Variants in CDH23 observed in about 807,000 individuals in gnomAD.
CDH23 encodes the protein cadherin-23.
Under a neutral mutation model 317.1 loss-of-function variants are expected in CDH23, and 189 were observed. The ratio of observed to expected loss-of-function variants is 0.60; its 90% CI spans 0.53 to 0.67. CDH23 has a LOEUF of 0.67. CDH23 is among the 30% of genes least tolerant of loss of function. The probability of loss-of-function intolerance (pLI) is 0.00; values close to 1 mark genes in which losing one functional copy is unlikely to be tolerated. For synonymous variants in CDH23, 1,839 were observed against 1,876.8 expected (o/e 0.98, Z 0.52); for missense variants, 4,401 against 4,592.4 (o/e 0.96, Z 1.20).
chr10:71,759,280 T>G (rs1272218453), intron 38 of CDH23, among the ~76,000 whole-genome samples: 1 of 151,626 alleles, frequency 6.6e-6, no homozygotes, highest in Non-Finnish European at 1.5e-5. Context: ...TCAAGCGATC[T>G]GCCTGCCTTG....
chr10:71,628,633 G>A (rs954469463), intron 11 of CDH23, among the ~76,000 whole-genome samples: 1 of 152,122 alleles, frequency 6.6e-6, no homozygotes, highest in Non-Finnish European at 1.5e-5. Context: ...GAGTAGTTGG[G>A]ATTACAGGCA....
intron 1 of CDH23, among the ~76,000 whole-genome samples, chr10:71,427,233 G>GAAAGAAAGAAAGAAAGAAAGAAAA: frequency 1.4e-5 from 1 of 72,400 alleles, no homozygotes; most frequent in South Asian, 4.5e-4. Flanking sequence ...AAGAAAGAAA[G>GAAAGAAAGAAAGAAAGAAAGAAAA]AAAGAAAGAA....
intron 9 of CDH23, among the ~76,000 whole-genome samples, chr10:71,609,497 A>C (rs1252346860): frequency 6.6e-6 from 1 of 152,070 alleles, no homozygotes; most frequent in African/African-American, 2.4e-5. Context: ...GACTCTGGGG[A>C]CATCTGAAGA....
intron 62 of CDH23, 82 bp from the exon 63 acceptor site, chr10:71,811,233 G>A: frequency 1.9e-6 from 3 of 1,601,724 alleles, no homozygotes; most frequent in Non-Finnish European, 2.6e-6. Flanking sequence ...GAACTTTGGA[G>A]GCTTGAGGCA....
At chr10:71,564,884 A>T (rs1857313658) in intron 6 of CDH23, among the ~76,000 whole-genome samples, 1 of 152,376 alleles carries the variant, frequency 6.6e-6, no homozygotes, top group East Asian at 1.9e-4. Context: ...ATAATGTTGA[A>T]TTAAAAAGCA....
At chr10:71,633,421 C>T (rs1222732765) in intron 11 of CDH23, among the ~76,000 whole-genome samples, 1 of 152,108 alleles carries the variant, frequency 6.6e-6, no homozygotes, top group African/African-American at 2.4e-5. Flanking sequence ...CATACACGCC[C>T]CACGCCCCAA....
chr10:71,718,786 G>T (rs1410775917), intron 28 of CDH23, among the ~76,000 whole-genome samples: 1 of 152,172 alleles, frequency 6.6e-6, no homozygotes, highest in Non-Finnish European at 1.5e-5. Flanking sequence ...AATAAGTGAG[G>T]CCAGGCGTGT....
chr10:71,508,103 A>T (rs1454604771), intron 3 of CDH23: 1 of 152,196 alleles, frequency 6.6e-6, no homozygotes, highest in African/African-American at 2.4e-5. Context: ...CACCTCTCTG[A>T]GACTCAGCTT....
intron 3 of CDH23, among the ~76,000 whole-genome samples, chr10:71,466,455 T>G (rs1300375079): frequency 1.3e-5 from 2 of 152,086 alleles, no homozygotes; most frequent in African/African-American, 2.4e-5. Context: ...TACATGCATG[T>G]GCATGTGAGA....
At chr10:71,410,932 AG>A (rs1848320421) in intron 1 of CDH23, among the ~76,000 whole-genome samples, 1 of 152,238 alleles carries the variant, frequency 6.6e-6, no homozygotes, top group South Asian at 2.1e-4. Flanking sequence ...GAGGCTGTTA[AG>A]AACATTTGTA....
chr10:71,712,101 C>T (rs915142298), intron 27 of CDH23: 6 of 153,736 alleles, frequency 3.9e-5, no homozygotes, highest in Non-Finnish European at 8.7e-5. Context: ...GCTAGGCATT[C>T]GGTGGCTTGT....
intron 18 of CDH23, among the ~76,000 whole-genome samples, chr10:71,687,011 G>T (rs1307570369): frequency 6.6e-6 from 1 of 152,216 alleles, no homozygotes; most frequent in African/African-American, 2.4e-5. Flanking sequence ...ATTGGCAAAG[G>T]CTGGGCTGGA....
intron 28 of CDH23, among the ~76,000 whole-genome samples, chr10:71,723,413 C>A (rs113823891): frequency 1.4e-4 from 21 of 152,272 alleles, no homozygotes; most frequent in Admixed American, 3.3e-4. Flanking sequence ...ACGTCCCCCC[C>A]CACACACAAG....
At chr10:71,596,361 C>A (rs1313366413) in intron 9 of CDH23, among the ~76,000 whole-genome samples, 1 of 152,142 alleles carries the variant, frequency 6.6e-6, no homozygotes, top group Non-Finnish European at 1.5e-5. Flanking sequence ...CAAGAAGTGG[C>A]AGAGCCAGGA....
At chr10:71,645,786 C>T in intron 12 of CDH23, 45 bp from the exon 13 acceptor site, 9 of 1,600,206 alleles carry the variant, frequency 5.6e-6, no homozygotes, top group Non-Finnish European at 7.7e-6. Context: ...TAGGCTTTGG[C>T]CACTGTGCCC....
chr10:71,729,025 G>A (rs1024112545), intron 30 of CDH23, among the ~76,000 whole-genome samples: 6 of 152,032 alleles, frequency 3.9e-5, no homozygotes, highest in African/African-American at 1.5e-4. Flanking sequence ...TGTAGAGACA[G>A]AGTCTCACTA....
At chr10:71,702,359 C>T in intron 23 of CDH23, 148 bp downstream of exon 23, 1 of 1,133,016 alleles carries the variant, frequency 8.8e-7, no homozygotes, top group Non-Finnish European at 1.3e-6. Flanking sequence ...AGTTGTGACT[C>T]CTAGAGCACC....
intron 27 of CDH23, among the ~76,000 whole-genome samples, chr10:71,711,178 A>T (rs1252206260): frequency 6.6e-6 from 1 of 151,952 alleles, no homozygotes; most frequent in Non-Finnish European, 1.5e-5. Context: ...CCCTGAGTCC[A>T]GCCCTCACTT....
intron 3 of CDH23, among the ~76,000 whole-genome samples, chr10:71,489,841 GA>G (rs1852555452): frequency 6.6e-6 from 1 of 152,330 alleles, no homozygotes; most frequent in African/African-American, 2.4e-5. Context: ...TGCAAATGCA[GA>G]TGTGGGCCAT....
Sources: allele counts gnomAD v4.1 joint callset (sites outside exome capture counted in the v4.1 genomes callset), GRCh38; gene constraint gnomAD v4.1.1; transcripts MANE v1.5; gene names NCBI Gene and HGNC (gene_info 2026-07-23, HGNC 2026-07-21).